CPQ: variants seen among roughly 807,000 people sequenced by gnomAD.
CPQ encodes Ser-Met dipeptidase.
In CPQ, 37 loss-of-function variants were observed where a neutral mutation model predicts 45.7. That is an observed-to-expected ratio of 0.81 (90% confidence interval 0.62 to 1.07). The LOEUF (loss-of-function observed/expected upper bound fraction) is 1.07, where lower values mean the gene tolerates loss of function less well. Ranked by LOEUF, CPQ falls within the 50% of genes least tolerant of loss-of-function variation. The probability of loss-of-function intolerance (pLI) is 0.00; values close to 1 mark genes in which losing one functional copy is unlikely to be tolerated. For synonymous variants in CPQ, 186 were observed against 205.8 expected (o/e 0.90, Z 0.82); for missense variants, 537 against 572.9 (o/e 0.94, Z 0.64).
At chr8:97,137,867 C>A (rs1198855360) in intron 7 of CPQ, among the ~76,000 whole-genome samples, 1 of 150,686 alleles carries the variant, frequency 6.6e-6, no homozygotes, top group East Asian at 1.9e-4. Flanking sequence ...CCAGCCTGGG[C>A]GAAGAGCAAG....
chr8:96,975,229 A>C (rs1241878710), intron 5 of CPQ, among the ~76,000 whole-genome samples: 1 of 152,152 alleles, frequency 6.6e-6, no homozygotes, highest in African/African-American at 2.4e-5. Flanking sequence ...CTTTACACAC[A>C]TAAACTAGAA....
At chr8:96,956,153 A>G (rs1813354224) in intron 4 of CPQ, among the ~76,000 whole-genome samples, 1 of 152,224 alleles carries the variant, frequency 6.6e-6, no homozygotes, top group African/African-American at 2.4e-5. Context: ...TCCAGAATCT[A>G]CAATGAATTC....
intron 3 of CPQ, among the ~76,000 whole-genome samples, chr8:96,856,387 G>A (rs748310200): frequency 6.6e-6 from 1 of 152,172 alleles, no homozygotes; most frequent in Admixed American, 6.5e-5. Context: ...TTGGATATAA[G>A]GGGTGAGAAA....
intron 7 of CPQ, among the ~76,000 whole-genome samples, chr8:97,093,959 A>G (rs940523001): frequency 6.6e-6 from 1 of 152,184 alleles, no homozygotes; most frequent in African/African-American, 2.4e-5. Flanking sequence ...TAGGACTCCC[A>G]TAGGGTGTGA....
At chr8:96,845,349 C>T (rs1418725597) in intron 3 of CPQ, among the ~76,000 whole-genome samples, 1 of 152,160 alleles carries the variant, frequency 6.6e-6, no homozygotes, top group Non-Finnish European at 1.5e-5. Flanking sequence ...ATTGTATTCT[C>T]AGTACCTAGG....
At chr8:96,822,034 CCTTTGACCAACTT>C (rs1811314219) in intron 2 of CPQ, among the ~76,000 whole-genome samples, 1 of 151,932 alleles carries the variant, frequency 6.6e-6, no homozygotes, top group South Asian at 2.1e-4. Flanking sequence ...AAATTTGTGT[CCTTTGACCAACTT>C]CTTCCCAATC....
intron 2 of CPQ, 100 bp from the exon 3 acceptor site, chr8:96,834,873 C>CAGATGTAG (rs1586419647): frequency 1.0e-6 from 1 of 1,000,680 alleles, no homozygotes; most frequent in East Asian, 2.6e-5. Context: ...TACCAGTTTG[C>CAGATGTAG]CAGATGTAGC....
intron 3 of CPQ, among the ~76,000 whole-genome samples, chr8:96,842,602 C>A (rs1378815037): frequency 6.6e-6 from 1 of 152,172 alleles, no homozygotes. Context: ...TTCTTTTCCC[C>A]CTTTCTGATT....
chr8:96,876,204 TTG>T (rs1334541280), intron 3 of CPQ, among the ~76,000 whole-genome samples: 1 of 151,986 alleles, frequency 6.6e-6, no homozygotes, highest in Non-Finnish European at 1.5e-5. Context: ...TCTAATCGTT[TTG>T]TGTGTGTATG....
At chr8:96,995,116 C>T (rs991640733) in intron 5 of CPQ, among the ~76,000 whole-genome samples, 4 of 152,064 alleles carry the variant, frequency 2.6e-5, no homozygotes, top group Non-Finnish European at 4.4e-5. Context: ...CAGGTTTGAA[C>T]ACCAGCTCTA....
intron 1 of CPQ, among the ~76,000 whole-genome samples, chr8:96,748,147 G>A (rs755693733): frequency 1.3e-5 from 2 of 152,086 alleles, no homozygotes; most frequent in Non-Finnish European, 2.9e-5. Flanking sequence ...CATTACTACA[G>A]TAATCATCAA....
intron 2 of CPQ, among the ~76,000 whole-genome samples, chr8:96,800,295 A>T (rs1316534291): frequency 6.6e-6 from 1 of 152,192 alleles, no homozygotes; most frequent in Non-Finnish European, 1.5e-5. Flanking sequence ...CAAATTTTAA[A>T]AACAATGAGA....
rs976739123 is a variant in CPQ, at chr8:97,078,804, T to C, written c.1255+12594T>C. 2.7e-5 allele frequency among the ~76,000 whole-genome samples: 4 copies of C among 145,882 alleles called. No individual in the cohort carries two copies. In the South Asian group the frequency reaches 6.7e-4, roughly 24 times the overall value. The stretch of plus-strand genomic sequence containing the variant: ...CTCTCTCTCTCTCTCTCTCTCTCTC[T>C]CTCCCTCTCTCCTTTTTTAGAGATG... On this transcript the variant is annotated intron_variant, in intron 7 of 7. Transcript: ENST00000220763.
intron 1 of CPQ, among the ~76,000 whole-genome samples, chr8:96,656,210 C>T (rs527529388): frequency 3.1e-4 from 47 of 152,292 alleles, no homozygotes; most frequent in African/African-American, 1.1e-3. Flanking sequence ...TTGACCTTTA[C>T]TTCTTAGTCT....
chr8:96,974,695 A>G (rs988369331), intron 5 of CPQ, among the ~76,000 whole-genome samples: 2 of 152,198 alleles, frequency 1.3e-5, no homozygotes, highest in African/African-American at 4.8e-5. Flanking sequence ...AAAATTCGAA[A>G]TCAACTCCAA....
intron 6 of CPQ, among the ~76,000 whole-genome samples, chr8:97,041,851 G>A (rs1031406721): frequency 3.6e-4 from 55 of 152,204 alleles, no homozygotes; most frequent in Non-Finnish European, 2.9e-4. Flanking sequence ...GATCATGGTG[G>A]ATAAGCTTTT....
At chr8:96,674,346 A>ATCTCATTAATGTCAAATTGATGTGG (rs1445824685) in intron 1 of CPQ, among the ~76,000 whole-genome samples, 1 of 152,124 alleles carries the variant, frequency 6.6e-6, no homozygotes, top group African/African-American at 2.4e-5. Flanking sequence ...GCTCATTTAC[A>ATCTCATTAATGTCAAATTGATGTGG]TCTCATTAAT....
chr8:96,694,103 C>T (rs1809339986), intron 1 of CPQ, among the ~76,000 whole-genome samples: 1 of 151,738 alleles, frequency 6.6e-6, no homozygotes, highest in Admixed American at 6.6e-5. Context: ...AATCAAGAAA[C>T]ATAAACAAAT....
chr8:96,833,540 G>A (rs117381328), intron 2 of CPQ, among the ~76,000 whole-genome samples: 2 of 152,246 alleles, frequency 1.3e-5, no homozygotes, highest in Non-Finnish European at 2.9e-5. Context: ...CCCATACTAT[G>A]CCAACAATAA....
Sources: gnomAD v4.1 joint callset for allele counts (sites outside exome capture counted in the v4.1 genomes callset) on GRCh38, gnomAD v4.1.1 for gene constraint, MANE v1.5 for transcripts, NCBI Gene and HGNC (gene_info 2026-07-23, HGNC 2026-07-21) for gene names.